CHSY1: variants seen among roughly 807,000 people sequenced by gnomAD.
CHSY1 encodes chondroitin sulfate synthase 1, also known as N-acetylgalactosaminyl-proteoglycan 3-beta-glucuronosyltransferase 1.
CHSY1 carries 13 observed loss-of-function variants against 59.8 expected under a neutral mutation model. The ratio of observed to expected loss-of-function variants is 0.22; its 90% CI spans 0.14 to 0.35. CHSY1 has a LOEUF of 0.35. Ranked by LOEUF, CHSY1 falls within the 10% of genes least tolerant of loss-of-function variation. CHSY1 has a pLI of 1.00. For missense variants in CHSY1, 947 were observed against 1,030.6 expected (o/e 0.92, Z 1.11); for synonymous variants, 459 against 401.2 (o/e 1.14, Z -1.72).
At chr15:101,199,302 G>A (rs770160622) in intron 2 of CHSY1, among the ~76,000 whole-genome samples, 4 of 152,192 alleles carry the variant, frequency 2.6e-5, no homozygotes, top group Non-Finnish European at 5.9e-5. Flanking sequence ...AGGAGATGGA[G>A]ACCATCCTGG....
At chr15:101,194,098 G>C (rs901941022) in intron 2 of CHSY1, among the ~76,000 whole-genome samples, 2 of 152,250 alleles carry the variant, frequency 1.3e-5, no homozygotes, top group Non-Finnish European at 2.9e-5. Flanking sequence ...TGACTCGAAA[G>C]CTTCAAGTAA....
chr15:101,231,147 G>T (rs1197455998), intron 2 of CHSY1, among the ~76,000 whole-genome samples: 2 of 152,164 alleles, frequency 1.3e-5, no homozygotes, highest in Non-Finnish European at 2.9e-5. Context: ...GCTCCTCAGC[G>T]TGAGTGAATT....
At chr15:101,186,147 CAAAAAA>C (rs35398576) in intron 2 of CHSY1, among the ~76,000 whole-genome samples, 2 of 79,590 alleles carry the variant, frequency 2.5e-5, no homozygotes, top group African/African-American at 9.4e-5. Context: ...TTGTCTCTAC[CAAAAAA>C]AAAAAAAAAA....
chr15:101,236,356 C>CA (rs1241102299), intron 1 of CHSY1, among the ~76,000 whole-genome samples: 1 of 152,218 alleles, frequency 6.6e-6, no homozygotes, highest in Non-Finnish European at 1.5e-5. Context: ...GCTTCCCCCA[C>CA]ACTGTTCTCA....
chr15:101,246,282 A>C (rs546202190), intron 1 of CHSY1, among the ~76,000 whole-genome samples: 1 of 152,176 alleles, frequency 6.6e-6, no homozygotes, highest in East Asian at 1.9e-4. Flanking sequence ...GGTAAGAACC[A>C]AAACAAACAA....
chr15:101,241,135 G>A (rs575805261), intron 1 of CHSY1, among the ~76,000 whole-genome samples: 36 of 152,176 alleles, frequency 2.4e-4, no homozygotes, highest in African/African-American at 6.7e-4. Flanking sequence ...TGGCCCTGTC[G>A]CCCAGGCTGG....
intron 2 of CHSY1, among the ~76,000 whole-genome samples, chr15:101,203,986 G>C (rs1046372550): frequency 6.6e-6 from 1 of 152,168 alleles, no homozygotes; most frequent in African/African-American, 2.4e-5. Context: ...ACTAAACTCT[G>C]TAGATTACAT....
intron 2 of CHSY1, among the ~76,000 whole-genome samples, chr15:101,184,502 C>T (rs2141241820): frequency 6.6e-6 from 1 of 152,000 alleles, no homozygotes; most frequent in African/African-American, 2.4e-5. Flanking sequence ...GCATACACCA[C>T]CACATACAGC....
chr15:101,251,012 C>G, intron 1 of CHSY1, 125 bp downstream of exon 1: 2 of 938,508 alleles, frequency 2.1e-6, no homozygotes, highest in African/African-American at 1.7e-5. Flanking sequence ...AGAGGCAACC[C>G]GATCCCGCCG....
chr15:101,220,152 G>A (rs778128990), intron 2 of CHSY1, among the ~76,000 whole-genome samples: 9 of 152,304 alleles, frequency 5.9e-5, no homozygotes, highest in Non-Finnish European at 1.2e-4. Flanking sequence ...CCCAAACAGT[G>A]AGTGTTCAAG....
chr15:101,191,494 G>A (rs1052698716), intron 2 of CHSY1, among the ~76,000 whole-genome samples: 1 of 152,100 alleles, frequency 6.6e-6, no homozygotes, highest in Admixed American at 6.6e-5. Context: ...ATATATGAGG[G>A]TATCTGTCAT....
intron 1 of CHSY1, among the ~76,000 whole-genome samples, chr15:101,247,174 T>TAA (rs1219149619): frequency 3.3e-5 from 5 of 152,192 alleles, no homozygotes; most frequent in Non-Finnish European, 7.3e-5. Context: ...AGCCCCTTCT[T>TAA]GGGGCTCTTC....
chr15:101,182,234 G>A (rs1192616624), intron 2 of CHSY1, among the ~76,000 whole-genome samples: 1 of 152,170 alleles, frequency 6.6e-6, no homozygotes, highest in African/African-American at 2.4e-5. Flanking sequence ...GGTGTTATTC[G>A]AGGTTCACAG....
intron 2 of CHSY1, among the ~76,000 whole-genome samples, chr15:101,185,703 T>TC (rs2038352188): frequency 7.1e-6 from 1 of 140,128 alleles, no homozygotes; most frequent in African/African-American, 2.6e-5. Flanking sequence ...AAATATCTTT[T>TC]TTTTTTTTTT....
chr15:101,193,619 G>C (rs1258908042), intron 2 of CHSY1, among the ~76,000 whole-genome samples: 1 of 152,176 alleles, frequency 6.6e-6, no homozygotes, highest in African/African-American at 2.4e-5. Context: ...CAGCAAGAAA[G>C]GTTTAAATGC....
At chr15:101,239,334 T>G (rs867020500) in intron 1 of CHSY1, among the ~76,000 whole-genome samples, 4 of 152,350 alleles carry the variant, frequency 2.6e-5, no homozygotes, top group African/African-American at 9.6e-5. Context: ...TAAAACACTG[T>G]AATGTTATTT....
chr15:101,194,824 G>C (rs992177250), intron 2 of CHSY1, among the ~76,000 whole-genome samples: 108 of 152,338 alleles, frequency 7.1e-4, no homozygotes, highest in African/African-American at 2.4e-3. Context: ...GCTGTGAAGG[G>C]TGGGAGGATA....
rs975617878 is a variant in CHSY1, at chr15:101,251,312, G to A, written c.145C>T (p.Arg49Trp). 5.3e-5 allele frequency: 60 copies of A among 1,138,216 alleles called. No homozygotes were observed. Among genetic ancestry groups the A allele is most frequent in the Middle Eastern group, 3.4e-4 (1 of 2,954 alleles). 70.5% of individuals were successfully genotyped at this position (1,138,216 alleles called of 1,614,324 possible). A position where few individuals can be genotyped will look rare whatever the true frequency, so the allele number is the denominator to read the frequency against. Residue 49 changes from arginine (R) to tryptophan (W), a missense_variant, in exon 1 of 3, where the codon CGG (arginine) becomes TGG (tryptophan). By Grantham distance (101) the Arg-to-Trp change is moderately radical. This residue lies in a region of CHSY1 where 232 missense variants were observed against 188.5 expected (regional missense o/e 1.23). Coordinates refer to ENST00000254190, the MANE Select transcript of CHSY1 (RefSeq NM_014918.5). Reference protein sequence around the residue: ...PRRRASPEGCRSGQAAASQAG... With the variant: ...PRRRASPEGCWSGQAAASQAG... ...TGGGAAGCCGCCGCCTGCCCGGACC[G>A]GCAGCCCTCGGGGCTGGCGCGGCGC...
intron 2 of CHSY1, among the ~76,000 whole-genome samples, chr15:101,187,347 C>T (rs1022213932): frequency 5.9e-5 from 9 of 152,172 alleles, no homozygotes; most frequent in African/African-American, 1.9e-4. Context: ...GGCATGGTGG[C>T]GTGTGCCTGT....
Sources: gnomAD v4.1 joint callset for allele counts (sites outside exome capture counted in the v4.1 genomes callset) on GRCh38, gnomAD v4.1.1 for gene constraint, gnomAD v4.1.1 regional missense constraint, MANE v1.5 for transcripts, NCBI Gene and HGNC (gene_info 2026-07-23, HGNC 2026-07-21) for gene names.